GREB1L: variants seen among roughly 807,000 people sequenced by gnomAD.
The protein encoded by GREB1L is GREB1-like protein.
Under a neutral mutation model 200.8 loss-of-function variants are expected in GREB1L, and 17 were observed. The ratio of observed to expected loss-of-function variants is 0.08; its 90% confidence interval spans 0.06 to 0.13. GREB1L has a LOEUF of 0.13. Ranked by LOEUF, GREB1L falls within the 10% of genes least tolerant of loss-of-function variation. The probability of loss-of-function intolerance (pLI) is 1.00; values close to 1 mark genes in which losing one functional copy is unlikely to be tolerated. For synonymous variants in GREB1L, 789 were observed against 893.0 expected (o/e 0.88, Z 2.08); for missense variants, 1,657 against 2,367.7 (o/e 0.70, Z 6.23).
intron 1 of GREB1L, among the ~76,000 whole-genome samples, chr18:21,304,648 A>T (rs1213960448): frequency 6.6e-6 from 1 of 152,210 alleles, no homozygotes; most frequent in East Asian, 1.9e-4. Flanking sequence ...AAGCAGACAG[A>T]TTGGGAACCT....
At chr18:21,307,570 C>T (rs1000045500) in intron 1 of GREB1L, among the ~76,000 whole-genome samples, 1 of 152,096 alleles carries the variant, frequency 6.6e-6, no homozygotes, top group African/African-American at 2.4e-5. Flanking sequence ...TTCTAAACAT[C>T]ACTGGTTCAG....
intron 15 of GREB1L, among the ~76,000 whole-genome samples, chr18:21,460,543 T>A (rs2145555588): frequency 6.6e-6 from 1 of 152,198 alleles, no homozygotes; most frequent in South Asian, 2.1e-4. Flanking sequence ...TTTCACCATG[T>A]TGGCCAGGCT....
chr18:21,498,059 T>A (rs1262585630), intron 21 of GREB1L, among the ~76,000 whole-genome samples: 1 of 151,950 alleles, frequency 6.6e-6, no homozygotes, highest in South Asian at 2.1e-4. Flanking sequence ...TGACCTCAGG[T>A]GATCCACCCG....
intron 7 of GREB1L, among the ~76,000 whole-genome samples, chr18:21,434,025 T>C (rs1366158019): frequency 1.3e-5 from 2 of 152,118 alleles, no homozygotes; most frequent in African/African-American, 4.8e-5. Flanking sequence ...TTCCTGGCAT[T>C]GCAGTAAATT....
intron 31 of GREB1L, among the ~76,000 whole-genome samples, chr18:21,519,636 T>C (rs1019377068): frequency 2.6e-5 from 4 of 152,206 alleles, no homozygotes; most frequent in Non-Finnish European, 5.9e-5. Flanking sequence ...ACAGCTAACA[T>C]TTACTGAATA....
Position 21,412,697 on chromosome 18 carries a change from A to ATTTTG in GREB1L, c.832+8722_832+8726dup, listed in dbSNP as rs1232264857. Among the ~76,000 whole-genome samples, 6 of 152,054 alleles carry ATTTTG rather than the reference A, an allele frequency of 3.9e-5. No homozygotes were observed. The East Asian group carries it at 5.8e-4, about 15-fold the overall frequency. On this transcript the variant is annotated intron_variant, in intron 7 of 32. Coordinates refer to ENST00000424526, the MANE Select transcript of GREB1L (RefSeq NM_001142966.3). ...CAGGAGGCTACTGGCTGCTGACAGT[A>ATTTTG]TTTTGTTTTGTTTTGTTTTGTTTCT...
intron 7 of GREB1L, among the ~76,000 whole-genome samples, chr18:21,428,903 A>G (rs2032888366): frequency 6.6e-6 from 1 of 151,790 alleles, no homozygotes; most frequent in Non-Finnish European, 1.5e-5. Flanking sequence ...TTTTTAGTAG[A>G]GGTGGGGTTT....
At chr18:21,461,103 A>T (rs1363935405) in intron 15 of GREB1L, among the ~76,000 whole-genome samples, 1 of 150,868 alleles carries the variant, frequency 6.6e-6, no homozygotes, top group Non-Finnish European at 1.5e-5. Flanking sequence ...TCTCAAAAAA[A>T]AAAAAAGAAA....
At chr18:21,507,412 C>T (rs1372474941) in intron 25 of GREB1L, among the ~76,000 whole-genome samples, 2 of 152,130 alleles carry the variant, frequency 1.3e-5, no homozygotes, top group South Asian at 2.1e-4. Flanking sequence ...AAACCTACTT[C>T]GATTCTAGTT....
At chr18:21,258,912 T>C (rs2037844914) in intron 1 of GREB1L, among the ~76,000 whole-genome samples, 1 of 152,200 alleles carries the variant, frequency 6.6e-6, no homozygotes, top group Non-Finnish European at 1.5e-5. Flanking sequence ...TACTGCATAG[T>C]GGAATAGAGC....
intron 1 of GREB1L, among the ~76,000 whole-genome samples, chr18:21,252,557 GAAAAAA>G (rs144115588): frequency 1.3e-5 from 1 of 77,440 alleles, no homozygotes; most frequent in African/African-American, 4.4e-5. Flanking sequence ...AACTCCATCT[GAAAAAA>G]AAAAAAAAAA....
intron 1 of GREB1L, among the ~76,000 whole-genome samples, chr18:21,250,861 C>T (rs2037691063): frequency 6.6e-6 from 1 of 151,942 alleles, no homozygotes; most frequent in Admixed American, 6.6e-5. Flanking sequence ...CTTTCTTTTC[C>T]TCTTGTTTCC....
chr18:21,426,214 G>A (rs1226844857), intron 7 of GREB1L, among the ~76,000 whole-genome samples: 6 of 151,824 alleles, frequency 4.0e-5, no homozygotes, highest in East Asian at 1.9e-4. Flanking sequence ...CCACCACCAC[G>A]CCTGGCTAAT....
chr18:21,444,482 T>G (rs1245730943), intron 11 of GREB1L, 73 bp downstream of exon 11: 1 of 1,215,650 alleles, frequency 8.2e-7, no homozygotes, highest in African/African-American at 1.5e-5. Flanking sequence ...TTTCTTTCTT[T>G]CTCACATTTA....
chr18:21,429,120 TTCCTTC>T, intron 7 of GREB1L, among the ~76,000 whole-genome samples: 1 of 130,520 alleles, frequency 7.7e-6, no homozygotes, highest in South Asian at 2.7e-4. Flanking sequence ...CCTTCCTTCC[TTCCTTC>T]CTTCCTTCCT....
intron 15 of GREB1L, among the ~76,000 whole-genome samples, chr18:21,457,809 A>C (rs1416623436): frequency 6.6e-6 from 1 of 152,216 alleles, no homozygotes; most frequent in Admixed American, 6.5e-5. Context: ...ATAGCAGGAG[A>C]GCATCCATTA....
intron 7 of GREB1L, among the ~76,000 whole-genome samples, chr18:21,418,466 TTTGTATTTTTATTG>T (rs1459412685): frequency 6.6e-6 from 1 of 152,182 alleles, no homozygotes; most frequent in Admixed American, 6.5e-5. Context: ...GGTTTTTAAA[TTTGTATTTTTATTG>T]TTGTATTTTT....
At chr18:21,400,668 G>C (rs953593847) in intron 5 of GREB1L, among the ~76,000 whole-genome samples, 3 of 152,186 alleles carry the variant, frequency 2.0e-5, no homozygotes, top group African/African-American at 7.2e-5. Context: ...CCAGGAGAGA[G>C]ATTCTGACTG....
At chr18:21,249,324 C>T (rs969156367) in intron 1 of GREB1L, among the ~76,000 whole-genome samples, 3 of 152,260 alleles carry the variant, frequency 2.0e-5, no homozygotes, top group African/African-American at 4.8e-5. Flanking sequence ...TAAATAACAT[C>T]CGTATCAGCT....
Sources: allele counts gnomAD v4.1 joint callset (sites outside exome capture counted in the v4.1 genomes callset), GRCh38; gene constraint gnomAD v4.1.1; transcripts MANE v1.5; gene names NCBI Gene and HGNC (gene_info 2026-07-23, HGNC 2026-07-21).